The following PLEKHD1 variants were observed in gnomAD, a reference collection of about 807,000 sequenced individuals.
PLEKHD1 encodes pleckstrin homology domain-containing family D member 1.
A neutral mutation model predicts 69.2 loss-of-function variants in PLEKHD1; 51 were observed. That is an observed-to-expected ratio of 0.74 (90% CI 0.59 to 0.93). PLEKHD1 has a LOEUF of 0.93. Ranked by LOEUF, PLEKHD1 falls within the 40% of genes least tolerant of loss-of-function variation. PLEKHD1 has a pLI of 0.00. For missense variants in PLEKHD1, 584 were observed against 641.0 expected (o/e 0.91, Z 0.96); for synonymous variants, 236 against 244.7 (o/e 0.96, Z 0.33).
intron 1 of PLEKHD1, among the ~76,000 whole-genome samples, chr14:69,497,403 A>G (rs1295821): frequency 0.41 from 62,325 of 152,224 alleles, 13,081 homozygotes; most frequent in African/African-American, 0.48. Context: ...CTTGCCCTCC[A>G]GGAGCCTGAT....
chr14:69,526,431 AG>A (rs34574510), intron 9 of PLEKHD1, among the ~76,000 whole-genome samples: 5 of 152,148 alleles, frequency 3.3e-5, no homozygotes, highest in Non-Finnish European at 7.4e-5. Context: ...ATGGAGCCTC[AG>A]GGGGGTTGTA....
intron 8 of PLEKHD1, 145 bp from the exon 9 acceptor site, chr14:69,525,799 C>T: frequency 1.3e-6 from 1 of 797,734 alleles, no homozygotes; most frequent in Non-Finnish European, 2.0e-6. Context: ...GGCCTTTTAG[C>T]TCTGGAGAAG....
chr14:69,517,718 G>T (rs1160305543), intron 6 of PLEKHD1, among the ~76,000 whole-genome samples: 1 of 152,118 alleles, frequency 6.6e-6, no homozygotes, highest in Admixed American at 6.5e-5. Context: ...TTTCAGGGCA[G>T]CAGGTTTCCA....
rs1883789159 is a variant in PLEKHD1, at chr14:69,531,502, A to T, written c.*3083A>T. 6.6e-6 allele frequency: 1 copy of T among 152,206 alleles called. No homozygotes were observed. The highest frequency in any genetic ancestry group is 1.5e-5 in the Non-Finnish European group (1 of 68,038). The allele number at this position is 152,206 out of a possible 1,614,324, so 9.4% of individuals were successfully genotyped here. A position where few individuals can be genotyped will look rare whatever the true frequency, so the allele number is the denominator to read the frequency against. ...TGATGTAATTTTTTTAATTTTTAAA[A>T]ACAAAACTCTTATTCCTTGGCCAAT... On this transcript the variant is annotated 3_prime_UTR_variant, in exon 13 of 13. Transcript: ENST00000322564.
Position 69,484,822 on chromosome 14 carries a change from T to G in PLEKHD1, c.-144T>G, listed in dbSNP as rs1008713651. 2 of 989,198 alleles carry G rather than the reference T, an allele frequency of 2.0e-6. No individual in the cohort carries two copies. Among genetic ancestry groups the G allele is most frequent in the Non-Finnish European group, 2.9e-6 (2 of 693,348 alleles). 61.3% of individuals were successfully genotyped at this position (989,198 alleles called of 1,614,324 possible). On this transcript the variant is annotated 5_prime_UTR_variant, in exon 1 of 13. Coordinates refer to ENST00000322564, the MANE Select transcript of PLEKHD1 (RefSeq NM_001161498.2). ...GCCGCGTCCAGTGCCCAGCGCGCTT[T>G]GATGCTGCAGCTCCGGGCCGGGCCG...
At chr14:69,524,380 T>A in intron 8 of PLEKHD1, 58 bp downstream of exon 8, 1 of 1,404,900 alleles carries the variant, frequency 7.1e-7, no homozygotes, top group Non-Finnish European at 9.9e-7. Flanking sequence ...TTGGACCACA[T>A]GACACTGTTT....
intron 6 of PLEKHD1, among the ~76,000 whole-genome samples, chr14:69,511,088 T>A (rs555316955): frequency 1.1e-3 from 165 of 152,368 alleles, no homozygotes; most frequent in African/African-American, 3.8e-3. Flanking sequence ...TACTTGGGAA[T>A]AAATTCCACT....
chr14:69,489,592 A>AAAAG (rs1566935545), intron 1 of PLEKHD1, among the ~76,000 whole-genome samples: 1 of 150,418 alleles, frequency 6.6e-6, no homozygotes, highest in African/African-American at 2.5e-5. Context: ...GGAAAAAAAA[A>AAAAG]GAAAGTGAAT....
At chr14:69,479,843 C>T (rs970868419), upstream of PLEKHD1, among the ~76,000 whole-genome samples, 1 of 152,078 alleles carries the variant, frequency 6.6e-6, no homozygotes, top group African/African-American at 2.4e-5. Flanking sequence ...CTTTCACATA[C>T]GTTCCCAACC....
chr14:69,485,836 A>G (rs1882643831), intron 1 of PLEKHD1, among the ~76,000 whole-genome samples: 1 of 152,210 alleles, frequency 6.6e-6, no homozygotes, highest in African/African-American at 2.4e-5. Flanking sequence ...GTGGAGAGAG[A>G]CAGGGTAGTC....
the PLEKHD1 span, among the ~76,000 whole-genome samples, chr14:69,469,653 C>A: frequency 6.6e-6 from 1 of 152,112 alleles, no homozygotes; most frequent in Non-Finnish European, 1.5e-5. Flanking sequence ...TCAAGCAATT[C>A]TCCCGCCTCA....
intron 6 of PLEKHD1, among the ~76,000 whole-genome samples, chr14:69,515,018 C>T (rs550072942): frequency 2.0e-3 from 309 of 152,074 alleles, no homozygotes; most frequent in African/African-American, 7.0e-3. Context: ...TGTGACATGG[C>T]GAAATCCCGT....
chr14:69,468,980 C>G, the PLEKHD1 span, among the ~76,000 whole-genome samples: 1 of 152,160 alleles, frequency 6.6e-6, no homozygotes, highest in Non-Finnish European at 1.5e-5. Flanking sequence ...ATTTTACATT[C>G]AAAATGTGCA....
the PLEKHD1 span, among the ~76,000 whole-genome samples, chr14:69,474,091 A>G: frequency 6.6e-6 from 1 of 152,070 alleles, no homozygotes; most frequent in African/African-American, 2.4e-5. Context: ...CTCCCCACCC[A>G]CTCATCAAGG....
intron 6 of PLEKHD1, among the ~76,000 whole-genome samples, chr14:69,518,393 C>T (rs1189523487): frequency 6.6e-6 from 1 of 152,142 alleles, no homozygotes; most frequent in African/African-American, 2.4e-5. Context: ...AGCAAGGATA[C>T]AGCTGTTTTT....
intron 1 of PLEKHD1, among the ~76,000 whole-genome samples, chr14:69,491,452 T>C (rs1261597756): frequency 6.6e-6 from 1 of 152,224 alleles, no homozygotes; most frequent in Non-Finnish European, 1.5e-5. Flanking sequence ...CTCTGCACTC[T>C]GCCATCACTC....
chr14:69,508,597 T>C (rs947506431), intron 6 of PLEKHD1, among the ~76,000 whole-genome samples: 23 of 152,172 alleles, frequency 1.5e-4, no homozygotes, highest in Non-Finnish European at 2.9e-5. Flanking sequence ...TATTTTTTGT[T>C]GTTGCCTGCC....
intron 1 of PLEKHD1, among the ~76,000 whole-genome samples, chr14:69,497,160 C>A (rs1251799943): frequency 1.3e-5 from 2 of 152,166 alleles, no homozygotes; most frequent in Non-Finnish European, 2.9e-5. Flanking sequence ...TGAGCGCAAT[C>A]TCATTTGACC....
At chr14:69,516,468 T>G (rs1201279326) in intron 6 of PLEKHD1, among the ~76,000 whole-genome samples, 3 of 152,330 alleles carry the variant, frequency 2.0e-5, no homozygotes, top group Admixed American at 2.0e-4. Context: ...CATTATACTT[T>G]TCATCATACC....
Sources: allele counts gnomAD v4.1 joint callset (sites outside exome capture counted in the v4.1 genomes callset), GRCh38; gene constraint gnomAD v4.1.1; transcripts MANE v1.5; gene names NCBI Gene and HGNC (gene_info 2026-07-23, HGNC 2026-07-21).